The following DUOX1 variants were observed in gnomAD, a reference collection of about 807,000 sequenced individuals.
DUOX1 encodes the protein dual oxidase 1.
A neutral mutation model predicts 181.8 loss-of-function variants in DUOX1; 134 were observed. The observed-to-expected ratio is 0.74, with a 90% CI of 0.64 to 0.85. The LOEUF is 0.85. DUOX1 is among the 40% of genes least tolerant of loss of function. The probability of loss-of-function intolerance (pLI) is 0.00; values close to 1 mark genes in which losing one functional copy is unlikely to be tolerated. For missense variants in DUOX1, 1,814 were observed against 2,064.4 expected, an observed-to-expected ratio of 0.88 and a Z score of 2.35; for synonymous variants, 798 against 832.5, an observed-to-expected ratio of 0.96 and a Z score of 0.71.
At chr15:45,153,176 G>GCAC (rs1896859493) in intron 25 of DUOX1, 2 of 471,260 alleles carry the variant, frequency 4.2e-6, no homozygotes. Flanking sequence ...AGCCGAGATC[G>GCAC]CACCACTGCC....
chr15:45,160,582 G>C (rs1175144032), intron 28 of DUOX1, among the ~76,000 whole-genome samples: 3 of 106,496 alleles, frequency 2.8e-5, no homozygotes, highest in Non-Finnish European at 5.5e-5. Context: ...GCTCCTGCAT[G>C]AGTCCAGGTG....
At chr15:45,151,716 G>A (rs563052826) in intron 23 of DUOX1, 158 bp from the exon 24 acceptor site, 25 of 718,946 alleles carry the variant, frequency 3.5e-5, no homozygotes, top group South Asian at 2.5e-4. Context: ...AGCCTGATGC[G>A]GTGAGGTCTG....
At chr15:45,152,810 T>G in intron 25 of DUOX1, 1 of 523,656 alleles carries the variant, frequency 1.9e-6, no homozygotes, top group Non-Finnish European at 3.5e-6. Flanking sequence ...TTTTAAAGCA[T>G]GACTCTGAGA....
chr15:45,143,648 G>C (rs766002044), intron 16 of DUOX1, among the ~76,000 whole-genome samples: 1 of 152,288 alleles, frequency 6.6e-6, no homozygotes, highest in South Asian at 2.1e-4. Flanking sequence ...GAGTCAGACT[G>C]GGATTGGAAT....
Position 45,143,221 on chromosome 15 carries a change from G to C in DUOX1, c.1854G>C (p.Arg618=), listed in dbSNP as rs900136551. 6.2e-6 allele frequency: 10 copies of C among 1,614,002 alleles called. No homozygotes were observed. The African/African-American group carries it at 1.3e-4, about 22-fold the overall frequency. The change falls in exon 16 of 34, where the codon CGG becomes CGC. Residue 618 remains arginine (R), a synonymous_variant. Coordinates refer to ENST00000389037, the MANE Select transcript of DUOX1 (RefSeq NM_175940.3). ...TGCTCAGTGCCTGGATTGTTGCCCG[G>C]CTCCGGATGAGAAATTTCAAGAGGC... The part of the protein sequence containing the change: ...VSLLSAWIVA[R]LRMRNFKRLQ...
intron 21 of DUOX1, chr15:45,150,392 C>T (rs1378277947): frequency 1.9e-6 from 1 of 537,522 alleles, no homozygotes; most frequent in South Asian, 2.4e-5. Context: ...ATGATGGACA[C>T]ACTTTAGGGA....
intron 18 of DUOX1, among the ~76,000 whole-genome samples, chr15:45,147,066 G>A (rs1264485543): frequency 6.6e-6 from 1 of 152,232 alleles, no homozygotes; most frequent in Non-Finnish European, 1.5e-5. Context: ...TGGCCTGAAA[G>A]GACCTAGAAA....
At position 45,152,714 on chromosome 15, in the gene DUOX1, C is replaced by G. The variant is rs183848081; in HGVS notation, c.3424+198C>G. 15 of 614,974 alleles carry G rather than the reference C, an allele frequency of 2.4e-5. No homozygotes were observed. In the East Asian group the frequency reaches 4.1e-4, roughly 17 times the overall value. The allele number at this position is 614,974 out of a possible 1,614,324, so 38.1% of individuals were successfully genotyped here. ...TTCCAAGTGCCTCTTCCCGCACTTT[C>G]CAGGGCGCCTCACCAGCCTCAGCTG... is the stretch of plus-strand genomic sequence containing the variant. On this transcript the variant is annotated intron_variant, in intron 25 of 33. Transcript: ENST00000389037.
intron 22 of DUOX1, 126 bp from the exon 23 acceptor site, chr15:45,150,997 C>A (rs1896786782): frequency 5.2e-6 from 7 of 1,354,270 alleles, no homozygotes; most frequent in Admixed American, 1.9e-5. Context: ...CTGTGGGAAT[C>A]CTGCTGTCCC....
chr15:45,150,622 T>C lies in DUOX1; in HGVS notation c.2819-10T>C, dbSNP rs1896775325. 1 of 1,613,642 alleles carries C rather than the reference T, an allele frequency of 6.2e-7. No homozygotes were observed. The highest frequency in any genetic ancestry group is 8.5e-7 in the Non-Finnish European group (1 of 1,179,948). ...CCTGAGCTGCTCCCTAGCCTGGCTC[T>C]GCTTTGCAGGGGTGGAGGTGCCTGA... On this transcript the variant is annotated splice_polypyrimidine_tract_variant and intron_variant, in intron 21 of 33. Coordinates refer to ENST00000389037, the MANE Select transcript of DUOX1 (RefSeq NM_175940.3).
intron 15 of DUOX1, 23 bp downstream of exon 15, chr15:45,142,135 G>A: frequency 1.2e-6 from 2 of 1,607,882 alleles, no homozygotes; most frequent in Non-Finnish European, 8.5e-7. Context: ...ACAGAGTGGG[G>A]TGGGGTGAGA....
rs1293315261 is a variant in DUOX1, at chr15:45,141,411, G to T, written c.1684+1G>T. ...CCCAATGTCTTTGTCTGGCATAAAG[G>T]TGAGTGGCCAAGGGGTGGCTGGAGG... On this transcript the variant is annotated splice_donor_variant, in intron 14 of 33. Coordinates refer to ENST00000389037, the MANE Select transcript of DUOX1 (RefSeq NM_175940.3). LOFTEE classifies it high-confidence loss of function. 3.1e-6 allele frequency: 5 copies of T among 1,614,210 alleles called. No individual in the cohort carries two copies. Among genetic ancestry groups the T allele is most frequent in the Non-Finnish European group, 4.2e-6 (5 of 1,180,036 alleles).
intron 12 of DUOX1, 194 bp downstream of exon 12, chr15:45,139,793 A>G (rs1256790908): frequency 2.9e-6 from 2 of 691,282 alleles, no homozygotes; most frequent in African/African-American, 3.6e-5. Flanking sequence ...TTGGCTTTGC[A>G]CTCGGATTGT....
intron 15 of DUOX1, among the ~76,000 whole-genome samples, chr15:45,142,808 G>T: frequency 6.6e-6 from 1 of 151,006 alleles, no homozygotes; most frequent in South Asian, 2.1e-4. Flanking sequence ...AGGGAGGGAG[G>T]AAGAGCAGGC....
At position 45,133,886 on chromosome 15, in the gene DUOX1, G is replaced by A. The variant is rs762893805; in HGVS notation, c.81G>A (p.Trp27Ter). 9 of 1,613,818 alleles carry A rather than the reference G, an allele frequency of 5.6e-6. No homozygotes were observed. In the Admixed American group the frequency reaches 8.3e-5, roughly 15 times the overall value. ...TPLGAQNPIS[W>*]EVQRFDGWYN... Reference sequence around the variant, plus strand: ...CAGGAGCTCAGAACCCCATTTCGTGGGAGGTGCAGCGATTTGATGGGTGGT... The same window carrying A: ...CAGGAGCTCAGAACCCCATTTCGTGAGAGGTGCAGCGATTTGATGGGTGGT... Residue 27 changes from tryptophan (W) to a stop codon, truncating the protein, a stop_gained, in exon 3 of 34, where the codon TGG (tryptophan) becomes TGA (stop). Coordinates refer to ENST00000389037, the MANE Select transcript of DUOX1 (RefSeq NM_175940.3). LOFTEE classifies it high-confidence loss of function.
intron 16 of DUOX1, 39 bp from the exon 17 acceptor site, chr15:45,143,997 T>C (rs1459752763): frequency 1.2e-6 from 2 of 1,606,418 alleles, no homozygotes; most frequent in African/African-American, 1.3e-5. Flanking sequence ...GTACCTCTGA[T>C]GGGTCCCAGC....
chr15:45,162,176 G>T, intron 30 of DUOX1, 43 bp from the exon 31 acceptor site: 1 of 1,578,420 alleles, frequency 6.3e-7, no homozygotes, highest in Non-Finnish European at 8.6e-7. Context: ...TCCGATCTAT[G>T]GTGGTGGCCA....
chr15:45,150,516 G>A (rs192598125), intron 21 of DUOX1, 116 bp from the exon 22 acceptor site: 2 of 960,082 alleles, frequency 2.1e-6, no homozygotes, highest in South Asian at 1.4e-5. Context: ...GGCCTCCATT[G>A]GTCTGGGACT....
chr15:45,139,079 A>G lies in DUOX1; in HGVS notation c.1127A>G (p.Gln376Arg). 6.2e-7 allele frequency: 1 copy of G among 1,613,962 alleles called. No homozygotes were observed. The highest frequency in any genetic ancestry group is 8.5e-7 in the Non-Finnish European group (1 of 1,179,950). The change falls in exon 11 of 34, where the codon CAA becomes CGA. Residue 376 changes from glutamine to arginine, a missense_variant. By Grantham distance (43) the Gln-to-Arg change is conservative. Around this residue, in one of 5 missense-constraint regions of DUOX1, gnomAD observed 1,064 missense variants for 1,152.9 expected, o/e 0.92. Transcript: ENST00000389037. ...SYWSREHPSLQSAEDVDALLL... is the reference protein window; with the variant it reads ...SYWSREHPSLRSAEDVDALLL... ...CAACCTATAAAGCACCCAAGCCTAC[A>G]AAGTGCTGAAGATGTGGATGCACTG...
Sources: gnomAD v4.1 joint callset for allele counts (sites outside exome capture counted in the v4.1 genomes callset) on GRCh38, gnomAD v4.1.1 for gene constraint, gnomAD v4.1.1 regional missense constraint, MANE v1.5 for transcripts, NCBI Gene and HGNC (gene_info 2026-07-23, HGNC 2026-07-21) for gene names.